The following COL25A1 variants were observed in gnomAD, a reference collection of about 807,000 sequenced individuals.
The protein encoded by COL25A1 is collagen alpha-1(XXV) chain.
COL25A1 carries 103 observed loss-of-function variants against 128.4 expected under a neutral mutation model. The ratio of observed to expected loss-of-function variants is 0.80; its 90% CI spans 0.68 to 0.94. The LOEUF is 0.94. Ranked by LOEUF, COL25A1 falls within the 40% of genes least tolerant of loss-of-function variation. COL25A1 has a pLI of 0.00. For missense variants in COL25A1, 745 were observed against 840.0 expected, an observed-to-expected ratio of 0.89 and a Z score of 1.40; for synonymous variants, 279 against 277.2, an observed-to-expected ratio of 1.01 and a Z score of -0.06.
In COL25A1 at chr4:109,192,675, A is replaced by G. The variant is rs557109416; in HGVS notation, c.367+107908T>C. Among the ~76,000 whole-genome samples, 5 of 152,132 alleles carry G rather than the reference A, an allele frequency of 3.3e-5. No individual in the cohort carries two copies. The East Asian group carries it at 9.7e-4, about 30-fold the overall frequency. ...GAGACCATCCTGGCTAACACGGTGA[A>G]ACCCTGTCTCTATTAAAATTACAAA... On this transcript the variant is annotated intron_variant, in intron 3 of 37. Transcript: ENST00000399132.
intron 3 of COL25A1, among the ~76,000 whole-genome samples, chr4:109,061,356 A>G (rs1365128962): frequency 6.6e-6 from 1 of 152,226 alleles, no homozygotes; most frequent in Admixed American, 6.5e-5. Flanking sequence ...AACACAGTTC[A>G]ATTTTAATAG....
intron 11 of COL25A1, among the ~76,000 whole-genome samples, chr4:108,931,579 A>G (rs1376527304): frequency 6.6e-6 from 1 of 152,210 alleles, no homozygotes; most frequent in Non-Finnish European, 1.5e-5. Flanking sequence ...AGACAGAACC[A>G]GCTTCAAAGG....
Position 109,028,712 on chromosome 4 carries a change from G to A in COL25A1, c.421-18337C>T, listed in dbSNP as rs371187928. On this transcript the variant is annotated intron_variant, in intron 5 of 37. Transcript: ENST00000399132. ...CTGCACTCCAGCCTGGCGACAGAGC[G>A]GGACTCCATCTCAAAAAAAAGAAAA... Among the ~76,000 whole-genome samples the A allele has an allele frequency of 3.1e-4, 47 of 151,772 alleles. 1 individual carries two copies. The South Asian group carries it at 4.6e-3, about 15-fold the overall frequency.
chr4:109,296,032 C>T (rs1724946831), intron 3 of COL25A1, among the ~76,000 whole-genome samples: 1 of 152,150 alleles, frequency 6.6e-6, no homozygotes, highest in East Asian at 1.9e-4. Flanking sequence ...AGTTTCTCTC[C>T]TTATTCAACC....
rs536608681 is a variant in COL25A1, at chr4:109,245,762, T to C, written c.367+54821A>G. Reference sequence around the variant, plus strand: ...GACAGAAGTCCTATGTCAAGAATCATGGAACAGGAATAGGACAGAGCTTCA... The same window carrying C: ...GACAGAAGTCCTATGTCAAGAATCACGGAACAGGAATAGGACAGAGCTTCA... On this transcript the variant is annotated intron_variant, in intron 3 of 37. Coordinates refer to ENST00000399132, the MANE Select transcript of COL25A1 (RefSeq NM_198721.4). Among the ~76,000 whole-genome samples, 50 of 152,200 alleles carry C rather than the reference T, an allele frequency of 3.3e-4. No individual in the cohort carries two copies. The South Asian group carries it at 1.0e-2, about 30-fold the overall frequency.
At chr4:109,204,491 T>C (rs996800603) in intron 3 of COL25A1, among the ~76,000 whole-genome samples, 3 of 152,044 alleles carry the variant, frequency 2.0e-5, no homozygotes, top group African/African-American at 4.8e-5. Context: ...AAAAGCAAAA[T>C]ACAGTAATGG....
chr4:109,144,372 G>C (rs1299191360), intron 3 of COL25A1, among the ~76,000 whole-genome samples: 1 of 152,206 alleles, frequency 6.6e-6, no homozygotes, highest in East Asian at 1.9e-4. Context: ...AGGCATGGGT[G>C]TCAAGGACCC....
intron 6 of COL25A1, among the ~76,000 whole-genome samples, chr4:109,002,211 T>C (rs1001563397): frequency 2.0e-5 from 3 of 152,176 alleles, no homozygotes; most frequent in East Asian, 1.9e-4. Flanking sequence ...CACAGCTGGG[T>C]ATATATCTGA....
chr4:109,017,024 A>G (rs987918096), intron 5 of COL25A1, among the ~76,000 whole-genome samples: 4 of 152,204 alleles, frequency 2.6e-5, no homozygotes, highest in African/African-American at 9.7e-5. Context: ...GCCCAGACCT[A>G]GGGACTCCCT....
chr4:108,897,783 G>A (rs1435521453), intron 15 of COL25A1, among the ~76,000 whole-genome samples: 1 of 152,152 alleles, frequency 6.6e-6, no homozygotes, highest in Non-Finnish European at 1.5e-5. Context: ...GGGGGAGAAA[G>A]GAAGTTGGGA....
chr4:108,944,709 CT>C (rs1209363052), intron 8 of COL25A1, among the ~76,000 whole-genome samples: 1 of 151,470 alleles, frequency 6.6e-6, no homozygotes, highest in Non-Finnish European at 1.5e-5. Flanking sequence ...AAAAAAAAGC[CT>C]TAAGTTTTAT....
chr4:109,061,936 A>G (rs1380431369), intron 3 of COL25A1, among the ~76,000 whole-genome samples: 1 of 152,206 alleles, frequency 6.6e-6, no homozygotes, highest in Non-Finnish European at 1.5e-5. Context: ...CAGACGGGCC[A>G]ATCCAAGACA....
chr4:109,184,481 G>A (rs764808161), intron 3 of COL25A1, among the ~76,000 whole-genome samples: 2 of 152,266 alleles, frequency 1.3e-5, no homozygotes, highest in East Asian at 1.9e-4. Context: ...GACGCAAGCC[G>A]GCTGCACTGG....
At chr4:109,083,941 A>G (rs1206138625) in intron 3 of COL25A1, among the ~76,000 whole-genome samples, 1 of 152,158 alleles carries the variant, frequency 6.6e-6, no homozygotes, top group African/African-American at 2.4e-5. Context: ...ATTTTTATCT[A>G]TCATAAAATA....
intron 3 of COL25A1, among the ~76,000 whole-genome samples, chr4:109,133,893 T>A (rs538840566): frequency 1.3e-5 from 2 of 152,184 alleles, no homozygotes; most frequent in Non-Finnish European, 2.9e-5. Context: ...AAAGAACAGA[T>A]AATAAAACTG....
At chr4:108,977,731 A>G (rs3863123) in intron 6 of COL25A1, among the ~76,000 whole-genome samples, 127,814 of 152,192 alleles carry the variant, frequency 0.84, 54,135 homozygotes, top group East Asian at 1. Flanking sequence ...AGAAAGACAT[A>G]GTCCCTGTCC....
intron 3 of COL25A1, among the ~76,000 whole-genome samples, chr4:109,281,134 A>G (rs543881955): frequency 8.0e-4 from 122 of 152,310 alleles, no homozygotes; most frequent in African/African-American, 2.9e-3. Context: ...ACAAAACAGT[A>G]TGCAAAGGAC....
chr4:109,277,105 T>C lies in COL25A1; in HGVS notation c.367+23478A>G, dbSNP rs115012672. Among the ~76,000 whole-genome samples, 1,292 of 152,344 alleles carry C rather than the reference T, an allele frequency of 8.5e-3. 15 individuals carry two copies. Among genetic ancestry groups the C allele is most frequent in the African/African-American group, 0.03 (1,241 of 41,576 alleles). On this transcript the variant is annotated intron_variant, in intron 3 of 37. Transcript: ENST00000399132. ...AAAATACTGCATGCATGATTCAAAT[T>C]GTGCATCATGTAATAGAACTACTAT...
At chr4:109,121,780 C>T (rs373513263) in intron 3 of COL25A1, among the ~76,000 whole-genome samples, 5 of 151,978 alleles carry the variant, frequency 3.3e-5, no homozygotes, top group Non-Finnish European at 4.4e-5. Context: ...TGATATTTAC[C>T]GAAAGGAACC....
Sources: gnomAD v4.1 joint callset for allele counts (sites outside exome capture counted in the v4.1 genomes callset) on GRCh38, gnomAD v4.1.1 for gene constraint, MANE v1.5 for transcripts, NCBI Gene and HGNC (gene_info 2026-07-23, HGNC 2026-07-21) for gene names.